The following FAM227B variants were observed in gnomAD, a reference collection of about 807,000 sequenced individuals.
FAM227B encodes the protein family with sequence similarity 227 member B.
A neutral mutation model predicts 73.8 loss-of-function variants in FAM227B; 88 were observed. That is an observed-to-expected ratio of 1.19 (90% CI 1.00 to 1.42). The LOEUF is 1.42. FAM227B is among the 40% of genes most tolerant of loss of function. The probability of loss-of-function intolerance (pLI) is 0.00; values close to 1 mark genes in which losing one functional copy is unlikely to be tolerated. For synonymous variants in FAM227B, 210 were observed against 190.5 expected, an observed-to-expected ratio of 1.10 and a Z score of -0.84; for missense variants, 632 against 590.9, an observed-to-expected ratio of 1.07 and a Z score of -0.72.
rs939647522 is a variant in FAM227B at position 49,365,290 on chromosome 15, G to A, written c.1271+2158C>T. 25 of 1,524,074 alleles carry A rather than the reference G, an allele frequency of 1.6e-5. No individual in the cohort carries two copies. In the South Asian group the frequency reaches 2.4e-4, roughly 14 times the overall value. 94.4% of individuals were successfully genotyped at this position (1,524,074 alleles called of 1,614,324 possible). A position where few individuals can be genotyped will look rare whatever the true frequency, so the allele number is the denominator to read the frequency against. On this transcript the variant is annotated intron_variant, in intron 13 of 15. Coordinates refer to ENST00000299338, the MANE Select transcript of FAM227B (RefSeq NM_152647.3). ...TAAGTGTGCAAGTTACTAAATAGAG[G>A]AGAGCAGGTTGCCCCTTTTTCATCA...
At position 49,554,970 on chromosome 15, in the gene FAM227B, G is replaced by A. The variant is rs1405471577; in HGVS notation, c.748-13164C>T. 2.6e-5 allele frequency among the ~76,000 whole-genome samples: 4 copies of A among 152,046 alleles called. No individual in the cohort carries two copies. The South Asian group carries it at 6.2e-4, about 24-fold the overall frequency. ...CCATCCCTTTACTTTGAGCCTGGGG[G>A]TATCACTGTATGTGAGATTGGTCTC... On this transcript the variant is annotated intron_variant, in intron 9 of 15. Coordinates refer to ENST00000299338, the MANE Select transcript of FAM227B (RefSeq NM_152647.3).
Position 49,541,706 on chromosome 15 carries a change from C to A in FAM227B, c.848G>T (p.Gly283Val). 1 of 1,516,634 alleles carries A rather than the reference C, an allele frequency of 6.6e-7. No homozygotes were observed. Among genetic ancestry groups the A allele is most frequent in the Non-Finnish European group, 8.8e-7 (1 of 1,133,574 alleles). The allele number at this position is 1,516,634 out of a possible 1,614,324, so 93.9% of individuals were successfully genotyped here. A position where few individuals can be genotyped will look rare whatever the true frequency, so the allele number is the denominator to read the frequency against. Residue 283 changes from glycine to valine, a missense_variant, in exon 10 of 16, where the codon GGG becomes GTG. Coordinates refer to ENST00000299338, the MANE Select transcript of FAM227B (RefSeq NM_152647.3). ...TGAACACCAAAGAAAAATGTTATTC[C>A]CTAGATCTTCTTTAAATTCATCATT... Reference protein sequence around the residue: ...LFNDEFKEDLGNNIFLWCSGL... With the variant: ...LFNDEFKEDLVNNIFLWCSGL...
intron 13 of FAM227B, among the ~76,000 whole-genome samples, chr15:49,357,951 G>A (rs374335634): frequency 1.3e-5 from 2 of 152,020 alleles, no homozygotes; most frequent in South Asian, 4.2e-4. Flanking sequence ...ATCAATAAAT[G>A]TAATCCAGCA....
chr15:49,463,699 A>G (rs546499044), intron 11 of FAM227B, among the ~76,000 whole-genome samples: 2 of 152,272 alleles, frequency 1.3e-5, no homozygotes, highest in South Asian at 2.1e-4. Context: ...ACAGTGTTTT[A>G]TGCTTCTGTG....
chr15:49,547,005 GA>G (rs1397208425), intron 9 of FAM227B, among the ~76,000 whole-genome samples: 1 of 152,140 alleles, frequency 6.6e-6, no homozygotes, highest in East Asian at 1.9e-4. Flanking sequence ...TGAAATGAAG[GA>G]AAAAATGTTA....
At chr15:49,523,829 G>A (rs1414381855) in intron 10 of FAM227B, among the ~76,000 whole-genome samples, 2 of 152,152 alleles carry the variant, frequency 1.3e-5, no homozygotes, top group Admixed American at 1.3e-4. Flanking sequence ...CTGGAGCAAA[G>A]GTGACTCTTG....
intron 11 of FAM227B, among the ~76,000 whole-genome samples, chr15:49,507,717 G>T (rs1336645616): frequency 1.3e-5 from 2 of 151,558 alleles, no homozygotes; most frequent in African/African-American, 4.8e-5. Context: ...TTTAATAAAC[G>T]GATCATTTGG....
chr15:49,583,483 G>A (rs2152391703), intron 5 of FAM227B, among the ~76,000 whole-genome samples: 1 of 152,122 alleles, frequency 6.6e-6, no homozygotes, highest in East Asian at 1.9e-4. Context: ...AATGTCAGGA[G>A]GTTACTCTTT....
At chr15:49,527,564 ATTAT>A (rs2060296967) in intron 10 of FAM227B, among the ~76,000 whole-genome samples, 1 of 151,856 alleles carries the variant, frequency 6.6e-6, no homozygotes. Context: ...AAAAGGTCAA[ATTAT>A]TTGTTTGCTA....
intron 11 of FAM227B, among the ~76,000 whole-genome samples, chr15:49,414,246 T>A (rs2049058250): frequency 6.6e-6 from 1 of 152,170 alleles, no homozygotes; most frequent in Admixed American, 6.6e-5. Flanking sequence ...AAATATCTGA[T>A]AATTGGTTAC....
chr15:49,433,834 C>G (rs903423244), intron 11 of FAM227B, among the ~76,000 whole-genome samples: 1 of 151,526 alleles, frequency 6.6e-6, no homozygotes, highest in Non-Finnish European at 1.5e-5. Flanking sequence ...AAACTATAAA[C>G]AGAAAAAAAC....
intron 11 of FAM227B, among the ~76,000 whole-genome samples, chr15:49,416,442 T>C (rs2151709855): frequency 1.3e-5 from 2 of 152,140 alleles, no homozygotes; most frequent in South Asian, 4.2e-4. Flanking sequence ...GTAGTAGAAA[T>C]ATGTCTTGGA....
chr15:49,576,781 T>C lies in FAM227B; in HGVS notation c.506A>G (p.Glu169Gly). Reference sequence around the variant, plus strand: ...TTTTAAAATAAAAAGATAAATTTGTTCAGCATCCAAATGTCTGGGTAGCTG... The same window carrying C: ...TTTTAAAATAAAAAGATAAATTTGTCCAGCATCCAAATGTCTGGGTAGCTG... Reference protein sequence around the residue: ...LTQLPRHLDAEQIYLFILKAH... With the variant: ...LTQLPRHLDAGQIYLFILKAH... The change falls in exon 7 of 16, where the codon GAA (glutamate) becomes GGA (glycine). Residue 169 changes from glutamate (E) to glycine (G), a missense_variant. Physicochemically the swap from Glu to Gly is moderately conservative, Grantham distance 98. Transcript: ENST00000299338. The C allele has an allele frequency of 6.2e-7, 1 of 1,612,072 alleles. No homozygotes were observed. The highest frequency in any genetic ancestry group is 8.5e-7 in the Non-Finnish European group (1 of 1,178,406).
intron 11 of FAM227B, among the ~76,000 whole-genome samples, chr15:49,477,047 G>A (rs1326210215): frequency 1.4e-5 from 2 of 144,340 alleles, no homozygotes; most frequent in East Asian, 2.1e-4. Flanking sequence ...GCGACAAAGC[G>A]AGACTCTGTC....
chr15:49,337,420 G>C (rs181541046), intron 13 of FAM227B, among the ~76,000 whole-genome samples: 2 of 146,718 alleles, frequency 1.4e-5, no homozygotes, highest in African/African-American at 5.1e-5. Flanking sequence ...TGTGGTTTTC[G>C]TTTGCATTTC....
At chr15:49,355,633 T>C (rs929482224) in intron 13 of FAM227B, among the ~76,000 whole-genome samples, 4 of 152,054 alleles carry the variant, frequency 2.6e-5, no homozygotes, top group Non-Finnish European at 5.9e-5. Flanking sequence ...CTGAAAGTGA[T>C]GGGGAGAATG....
Position 49,413,926 on chromosome 15 carries a change from C to T in FAM227B, c.1013-42527G>A, listed in dbSNP as rs1006378461. 2.4e-4 allele frequency among the ~76,000 whole-genome samples: 36 copies of T among 151,692 alleles called. No individual in the cohort carries two copies. In the Admixed American group the frequency reaches 2.4e-3, roughly 10 times the overall value. ...GATCTGAGCTTAAATAGCAATTCTA[C>T]AGAAAGACATTTTGTAATGAGATTT... On this transcript the variant is annotated intron_variant, in intron 11 of 15. Transcript: ENST00000299338.
intron 8 of FAM227B, 54 bp from the exon 9 acceptor site, chr15:49,568,400 G>C: frequency 7.2e-7 from 1 of 1,382,178 alleles, no homozygotes; most frequent in Non-Finnish European, 1.0e-6. Context: ...ACTGGAATTT[G>C]TTTACATGAT....
chr15:49,472,103 C>A (rs1250206367), intron 11 of FAM227B, among the ~76,000 whole-genome samples: 1 of 151,488 alleles, frequency 6.6e-6, no homozygotes, highest in South Asian at 2.1e-4. Context: ...TGGCTGTTAG[C>A]TTAGAATAAC....
Sources: gnomAD v4.1 joint callset for allele counts (sites outside exome capture counted in the v4.1 genomes callset) on GRCh38, gnomAD v4.1.1 for gene constraint, MANE v1.5 for transcripts, NCBI Gene and HGNC (gene_info 2026-07-23, HGNC 2026-07-21) for gene names.